TAF3: variants seen among roughly 807,000 people sequenced by gnomAD.
The protein encoded by TAF3 is transcription initiation factor TFIID subunit 3.
TAF3 carries 7 observed loss-of-function variants against 80.6 expected under a neutral mutation model. The observed-to-expected ratio is 0.09, with a 90% CI of 0.05 to 0.16. TAF3 has a LOEUF of 0.16. Ranked by LOEUF, TAF3 falls within the 10% of genes least tolerant of loss-of-function variation. TAF3 has a pLI of 1.00. For missense variants in TAF3, 921 were observed against 1,140.2 expected, an observed-to-expected ratio of 0.81 and a Z score of 2.77; for synonymous variants, 444 against 446.1, an observed-to-expected ratio of 1.00 and a Z score of 0.06.
At chr10:7,970,596 G>A (rs1000224245) in intron 3 of TAF3, among the ~76,000 whole-genome samples, 1 of 152,096 alleles carries the variant, frequency 6.6e-6, no homozygotes, top group South Asian at 2.1e-4. Flanking sequence ...GATGGCAAGG[G>A]CACATCATGA....
chr10:7,973,625 G>T (rs2131417784), intron 3 of TAF3, among the ~76,000 whole-genome samples: 2 of 152,242 alleles, frequency 1.3e-5, no homozygotes, highest in Middle Eastern at 3.4e-3. Context: ...CTACATGTTT[G>T]TTTTTTAAAA....
chr10:7,895,928 A>G (rs1837500129), intron 2 of TAF3, among the ~76,000 whole-genome samples: 1 of 152,178 alleles, frequency 6.6e-6, no homozygotes, highest in Non-Finnish European at 1.5e-5. Context: ...GCCTTCAGTG[A>G]ACACCGAAGC....
At chr10:7,955,509 G>C (rs1165023276) in intron 2 of TAF3, among the ~76,000 whole-genome samples, 1 of 152,172 alleles carries the variant, frequency 6.6e-6, no homozygotes, top group Non-Finnish European at 1.5e-5. Flanking sequence ...CTGCTTAGTT[G>C]GAGAACATGC....
intron 2 of TAF3, among the ~76,000 whole-genome samples, chr10:7,892,712 CAGTT>C (rs1472539305): frequency 6.6e-6 from 1 of 152,004 alleles, no homozygotes; most frequent in Non-Finnish European, 1.5e-5. Flanking sequence ...GTTGGTCAGC[CAGTT>C]AGTTGGTCAG....
chr10:7,936,537 A>G lies in TAF3; in HGVS notation c.410-27383A>G, dbSNP rs1195430844. Among the ~76,000 whole-genome samples, 18 of 151,204 alleles carry G rather than the reference A, an allele frequency of 1.2e-4. 1 individual carries two copies. The highest frequency in any genetic ancestry group is 1.1e-3 in the Admixed American group (16 of 15,158). On this transcript the variant is annotated intron_variant, in intron 2 of 6. Transcript: ENST00000344293. Reference sequence around the variant, plus strand: ...CTTAATAGACTTTATTATTTAGAGCAGTTTTGAGTTCCCAGTAAAATTGAA... The same window carrying G: ...CTTAATAGACTTTATTATTTAGAGCGGTTTTGAGTTCCCAGTAAAATTGAA...
At chr10:7,927,153 G>T (rs1342861638) in intron 2 of TAF3, among the ~76,000 whole-genome samples, 2 of 152,166 alleles carry the variant, frequency 1.3e-5, no homozygotes, top group African/African-American at 4.8e-5. Flanking sequence ...CTGAGTTAAT[G>T]TTATATACTC....
intron 2 of TAF3, among the ~76,000 whole-genome samples, chr10:7,957,256 G>A (rs947395425): frequency 2.6e-5 from 4 of 152,118 alleles, no homozygotes; most frequent in African/African-American, 4.8e-5. Context: ...GCCCTCAATT[G>A]CTTTCATGGA....
intron 2 of TAF3, among the ~76,000 whole-genome samples, chr10:7,846,786 C>T (rs1836977220): frequency 6.6e-6 from 1 of 152,152 alleles, no homozygotes; most frequent in Non-Finnish European, 1.5e-5. Flanking sequence ...GAATTATTAT[C>T]ATTCATCATT....
At chr10:7,830,060 C>A (rs1019999431) in intron 2 of TAF3, among the ~76,000 whole-genome samples, 13 of 152,070 alleles carry the variant, frequency 8.5e-5, no homozygotes, top group African/African-American at 2.4e-5. Flanking sequence ...CCAAGAATAA[C>A]CTAGTTGGCA....
intron 2 of TAF3, among the ~76,000 whole-genome samples, chr10:7,899,682 A>G (rs1837540144): frequency 6.6e-6 from 1 of 152,236 alleles, no homozygotes; most frequent in Non-Finnish European, 1.5e-5. Flanking sequence ...AGATGTTCAC[A>G]GTAAACATAT....
chr10:7,890,809 G>T (rs1009904651), intron 2 of TAF3, among the ~76,000 whole-genome samples: 1 of 152,078 alleles, frequency 6.6e-6, no homozygotes, highest in African/African-American at 2.4e-5. Flanking sequence ...TTTTTCCCAA[G>T]TGATTAGTCT....
intron 2 of TAF3, among the ~76,000 whole-genome samples, chr10:7,840,571 A>G (rs1440926282): frequency 6.6e-6 from 1 of 151,726 alleles, no homozygotes; most frequent in Non-Finnish European, 1.5e-5. Flanking sequence ...AGAATTTGCC[A>G]GAAATTTAAC....
At chr10:7,895,324 G>A (rs1217852975) in intron 2 of TAF3, among the ~76,000 whole-genome samples, 1 of 152,176 alleles carries the variant, frequency 6.6e-6, no homozygotes, top group Non-Finnish European at 1.5e-5. Flanking sequence ...TATCTGTACA[G>A]CAATGGCTTC....
chr10:7,928,939 A>AT lies in TAF3; in HGVS notation c.410-34973dup, dbSNP rs1325552802. The stretch of plus-strand genomic sequence containing the variant: ...TCAAAATTTTCATCTCCACAGAAGA[A>AT]TTTTTTTTAAGTGTTCTGCATTTGC... On this transcript the variant is annotated intron_variant, in intron 2 of 6. Coordinates refer to ENST00000344293, the MANE Select transcript of TAF3 (RefSeq NM_031923.4). 2.0e-5 allele frequency among the ~76,000 whole-genome samples: 3 copies of AT among 152,020 alleles called. No homozygotes were observed. In the East Asian group the frequency reaches 5.8e-4, roughly 29 times the overall value.
At chr10:7,928,608 G>T (rs113745052) in intron 2 of TAF3, among the ~76,000 whole-genome samples, 1 of 152,162 alleles carries the variant, frequency 6.6e-6, no homozygotes, top group Non-Finnish European at 1.5e-5. Flanking sequence ...TTGCCCTTGT[G>T]TTAATAACCA....
intron 1 of TAF3, among the ~76,000 whole-genome samples, chr10:7,821,954 G>A (rs1588511857): frequency 6.6e-6 from 1 of 152,256 alleles, no homozygotes; most frequent in Middle Eastern, 3.4e-3. Context: ...GTACCAGTAA[G>A]GTGTTCAGCT....
intron 2 of TAF3, among the ~76,000 whole-genome samples, chr10:7,960,877 C>T (rs117841471): frequency 2.7e-3 from 404 of 152,272 alleles, no homozygotes; most frequent in Admixed American, 8.9e-3. Context: ...ATAACTCTTC[C>T]GTGTAATAAA....
intron 2 of TAF3, among the ~76,000 whole-genome samples, chr10:7,834,514 T>G (rs190117653): frequency 6.6e-6 from 1 of 152,326 alleles, no homozygotes; most frequent in Non-Finnish European, 1.5e-5. Flanking sequence ...TTGTTCATTG[T>G]TTCTAGGCAA....
At chr10:7,989,027 T>C (rs1301678721) in intron 4 of TAF3, among the ~76,000 whole-genome samples, 1 of 152,192 alleles carries the variant, frequency 6.6e-6, no homozygotes, top group African/African-American at 2.4e-5. Context: ...TTATAAAATA[T>C]GTTTTATCAG....
Sources: allele counts gnomAD v4.1 joint callset (sites outside exome capture counted in the v4.1 genomes callset), GRCh38; gene constraint gnomAD v4.1.1; transcripts MANE v1.5; gene names NCBI Gene and HGNC (gene_info 2026-07-23, HGNC 2026-07-21).